The following THTPA variants were observed in gnomAD, a reference collection of about 807,000 sequenced individuals.
THTPA encodes the protein thiamine-triphosphatase.
Under a neutral mutation model 16.5 loss-of-function variants are expected in THTPA, and 16 were observed. The observed-to-expected ratio is 0.97, with a 90% CI of 0.66 to 1.47. The LOEUF (loss-of-function observed/expected upper bound fraction) is 1.47. Among genes scored for constraint, THTPA ranks in the 40% most tolerant of loss-of-function variants. The probability of loss-of-function intolerance (pLI) is 0.00; values close to 1 mark genes in which losing one functional copy is unlikely to be tolerated. For synonymous variants in THTPA, 110 were observed against 115.5 expected (o/e 0.95, Z 0.30); for missense variants, 281 against 280.9 (o/e 1.00, Z 0.00).
At chr14:23,524,008 C>T in the THTPA span, 1 of 1,520,272 alleles carries the variant, frequency 6.6e-7, no homozygotes, top group Non-Finnish European at 8.8e-7. The surrounding 1 kb of genome is among the most constrained non-coding windows in gnomAD (Gnocchi z 5.6). Context: ...GTAGGAAAGG[C>T]TGGGGCCCAG....
rs1432311130 is a variant in THTPA at position 23,559,398 on chromosome 14, T to A, written c.*558T>A. 1.7e-5 allele frequency: 5 copies of A among 297,850 alleles called. No individual in the cohort carries two copies. The highest frequency in any genetic ancestry group is 1.3e-5 in the Non-Finnish European group (2 of 154,336). The allele number at this position is 297,850 out of a possible 1,614,324, so 18.5% of individuals were successfully genotyped here. ...CCTCCTGTGGAAGTTTAGGGGCAAA[T>A]TTGTTCCCTGACCTGGAGAGGGTTA... is the stretch of plus-strand genomic sequence containing the variant. On this transcript the variant is annotated 3_prime_UTR_variant, in exon 2 of 2. Transcript: ENST00000288014.
chr14:23,534,289 G>A, the THTPA span: 1 of 1,533,480 alleles, frequency 6.5e-7, no homozygotes, highest in African/African-American at 1.4e-5. The surrounding 1 kb of genome is among the most constrained non-coding windows in gnomAD (Gnocchi z 4.5). Context: ...GGGTGGAGAG[G>A]GTGGGCTGAG....
At chr14:23,524,206 C>T in the THTPA span, 3 of 1,536,440 alleles carry the variant, frequency 2.0e-6, no homozygotes, top group Non-Finnish European at 2.6e-6. This position sits in a 1 kb window ranked among gnomAD's most constrained non-coding sequence, Gnocchi z 5.6. Context: ...GGCCTTTCCT[C>T]TCCCGGGCCC....
At chr14:23,534,258 G>A in the THTPA span, 1 of 1,528,820 alleles carries the variant, frequency 6.5e-7, no homozygotes, top group Non-Finnish European at 8.8e-7. This position sits in a 1 kb window ranked among gnomAD's most constrained non-coding sequence, Gnocchi z 4.5. Context: ...CTTGGGTTGG[G>A]CTGGGGTCCC....
the THTPA span, among the ~76,000 whole-genome samples, chr14:23,545,191 A>G: frequency 6.6e-6 from 1 of 152,128 alleles, no homozygotes; most frequent in Non-Finnish European, 1.5e-5. Flanking sequence ...GCAAAGACAA[A>G]CAAGGAGCAG....
At chr14:23,543,369 T>C in the THTPA span, 1 of 152,260 alleles carries the variant, frequency 6.6e-6, no homozygotes, top group African/African-American at 2.4e-5. Flanking sequence ...GGTAGCCTGA[T>C]GTCAGTACCT....
chr14:23,517,218 G>A, the THTPA span, among the ~76,000 whole-genome samples: 4 of 152,128 alleles, frequency 2.6e-5, no homozygotes, highest in Admixed American at 6.5e-5. Flanking sequence ...GGGTGGTCAC[G>A]CAATTGAATC....
chr14:23,516,890 A>C, the THTPA span, among the ~76,000 whole-genome samples: 6 of 152,210 alleles, frequency 3.9e-5, no homozygotes, highest in Non-Finnish European at 8.8e-5. Context: ...GATATGGGGC[A>C]GTGCTGAGCC....
the THTPA span, chr14:23,529,574 G>A: frequency 1.7e-5 from 15 of 904,580 alleles, no homozygotes; most frequent in Non-Finnish European, 2.4e-5. Context: ...CTGGATCTGG[G>A]TGGAATTTCT....
chr14:23,533,987 G>A, the THTPA span: 16 of 1,537,542 alleles, frequency 1.0e-5, no homozygotes, highest in South Asian at 8.3e-5. The surrounding 1 kb of genome is among the most constrained non-coding windows in gnomAD (Gnocchi z 4.8). Context: ...CAGGAGTTGC[G>A]TGAGTGGAGC....
At chr14:23,527,505 C>T in the THTPA span, 28 of 1,456,282 alleles carry the variant, frequency 1.9e-5, no homozygotes, top group African/African-American at 3.5e-4. Flanking sequence ...CCCCCTGCCC[C>T]CAACACATGC....
rs571944248 is a variant in THTPA, at chr14:23,556,649, A to G, written c.-109A>G. The G allele has an allele frequency of 4.2e-6, 5 of 1,197,260 alleles. No individual in the cohort carries two copies. In the East Asian group the frequency reaches 1.3e-4, roughly 30 times the overall value. 74.2% of individuals were successfully genotyped at this position (1,197,260 alleles called of 1,614,324 possible). A position where few individuals can be genotyped will look rare whatever the true frequency, so the allele number is the denominator to read the frequency against. On this transcript the variant is annotated 5_prime_UTR_variant, in exon 1 of 2. Coordinates refer to ENST00000288014, the MANE Select transcript of THTPA (RefSeq NM_024328.6). ...ATTGCGACACAGTGTGCCCCTCATA[A>G]GTTTTTCCAGGGAGGGGTTCTGTAC... is the stretch of plus-strand genomic sequence containing the variant.
the THTPA span, chr14:23,524,425 C>G: frequency 6.5e-7 from 1 of 1,536,194 alleles, no homozygotes; most frequent in South Asian, 1.2e-5. This position sits in a 1 kb window ranked among gnomAD's most constrained non-coding sequence, Gnocchi z 5.6. Context: ...CTGTGGGAGA[C>G]AAGCTGCCGT....
upstream of THTPA, chr14:23,551,584 G>C (rs1201950819): frequency 6.5e-6 from 1 of 153,026 alleles, no homozygotes; most frequent in African/African-American, 2.4e-5. The surrounding 1 kb of genome is among the most constrained non-coding windows in gnomAD (Gnocchi z 5.3). Flanking sequence ...TTTGGCTGCG[G>C]CTGAAGTGTT....
Position 23,558,878 on chromosome 14 carries a change from C to T in THTPA, c.*38C>T. The T allele has an allele frequency of 6.2e-7, 1 of 1,611,280 alleles. No homozygotes were observed. The highest frequency in any genetic ancestry group is 8.5e-7 in the Non-Finnish European group (1 of 1,178,590). ...CTAGAAGGGGAAGGGAACTCTGGGT[C>T]TAACGGAGTCCACTCCTGGGCCCAC... On this transcript the variant is annotated 3_prime_UTR_variant, in exon 2 of 2. Coordinates refer to ENST00000288014, the MANE Select transcript of THTPA (RefSeq NM_024328.6).
the THTPA span, chr14:23,522,141 GGTGGGA>G: frequency 6.6e-7 from 1 of 1,523,596 alleles, no homozygotes; most frequent in Admixed American, 2.0e-5. Flanking sequence ...GAGGAGCGCA[GGTGGGA>G]GGCTAGGGCT....
the THTPA span, chr14:23,526,073 C>T: frequency 4.6e-6 from 7 of 1,536,402 alleles, no homozygotes; most frequent in East Asian, 2.4e-5. Context: ...TTCTTGGCTG[C>T]GTTCTGGCCC....
the THTPA span, chr14:23,534,457 C>T: frequency 3.3e-6 from 5 of 1,536,394 alleles, no homozygotes; most frequent in Non-Finnish European, 4.4e-6. This position sits in a 1 kb window ranked among gnomAD's most constrained non-coding sequence, Gnocchi z 4.5. Flanking sequence ...CTCCAGAAAG[C>T]TTATGAGGGC....
rs995755540 is a variant in THTPA at position 23,558,628 on chromosome 14, G to A, written c.548-67G>A. ...CATCCACGGAGTCCTGGCTAGGTGG[G>A]CAGGGAGCAGAGTCCAAGTGCTTGT... is the stretch of plus-strand genomic sequence containing the variant. On this transcript the variant is annotated intron_variant, in intron 1 of 1. Transcript: ENST00000288014. The A allele has an allele frequency of 9.4e-6, 15 of 1,595,492 alleles. No individual in the cohort carries two copies. The Admixed American group carries it at 1.5e-4, about 16-fold the overall frequency.
Sources: allele counts gnomAD v4.1 joint callset (sites outside exome capture counted in the v4.1 genomes callset), GRCh38; gene constraint gnomAD v4.1.1; non-coding constraint Gnocchi (gnomAD v3.1); transcripts MANE v1.5; gene names NCBI Gene and HGNC (gene_info 2026-07-23, HGNC 2026-07-21).